Variants in PKD1 observed in about 807,000 individuals in gnomAD.
The protein encoded by PKD1 is polycystin-1.
PKD1 carries 81 observed loss-of-function variants against 361.7 expected under a neutral mutation model. The observed-to-expected ratio is 0.22, with a 90% confidence interval of 0.19 to 0.27. The LOEUF (loss-of-function observed/expected upper bound fraction) is 0.27. Among genes scored for constraint, PKD1 ranks in the 10% least tolerant of loss-of-function variants. The probability of loss-of-function intolerance (pLI) is 1.00; values close to 1 mark genes in which losing one functional copy is unlikely to be tolerated. For synonymous variants in PKD1, 3,615 were observed against 2,818.3 expected (o/e 1.28, Z -8.95); for missense variants, 6,399 against 6,118.3 (o/e 1.05, Z -1.53).
rs1385472347 is a variant in PKD1 at position 2,088,873 on chromosome 16, G to A, written c.*854C>T. The A allele has an allele frequency of 5.0e-5, 24 of 476,644 alleles. 1 individual carries two copies. In the African/African-American group the frequency reaches 6.8e-4, roughly 14 times the overall value. The allele number at this position is 476,644 out of a possible 1,614,324, so 29.5% of individuals were successfully genotyped here. On this transcript the variant is annotated 3_prime_UTR_variant, in exon 46 of 46. Coordinates refer to ENST00000262304, the MANE Select transcript of PKD1 (RefSeq NM_001009944.3). ...TGGGCCATACAGCACACTCGCGCGT[G>A]CGCGCGCGCACACACACACACACAC...
chr16:2,093,610 G>C lies in PKD1; in HGVS notation c.10950C>G (p.His3650Gln). 6.2e-7 allele frequency: 1 copy of C among 1,609,326 alleles called. No homozygotes were observed. Among genetic ancestry groups the C allele is most frequent in the Non-Finnish European group, 8.5e-7 (1 of 1,178,318 alleles). Residue 3650 changes from histidine to glutamine, a missense_variant, in exon 37 of 46, where the codon CAC becomes CAG. His to Gln is a conservative substitution (Grantham distance 24). Coordinates refer to ENST00000262304, the MANE Select transcript of PKD1 (RefSeq NM_001009944.3). ...CCTTGGCCAGGAAGAGTGCAAAGCC[G>C]TGGGGTGGCCGTACGCGGGGCACAC... ...SARVPRVRPP[H>Q]GFALFLAKEE... is the part of the protein sequence containing the mutation.
rs1567151473 is a variant in PKD1 at position 2,091,342 on chromosome 16, A to AGGGGCGG, written c.11712+80_11712+81insCCGCCCC. 4 of 500,012 alleles carry AGGGGCGG rather than the reference A, an allele frequency of 8.0e-6. No individual in the cohort carries two copies. The African/African-American group carries it at 1.6e-4, about 21-fold the overall frequency. 31.0% of individuals were successfully genotyped at this position (500,012 alleles called of 1,614,324 possible). A position where few individuals can be genotyped will look rare whatever the true frequency, so the allele number is the denominator to read the frequency against. ...AGGGGGCGGGGCGCTGCGAGGGGTG[A>AGGGGCGG]GACGCTGCCGGGGCGGGGCCCCGCG... On this transcript the variant is annotated intron_variant, in intron 42 of 45. Transcript: ENST00000262304.
rs768528652 is a variant in PKD1 at position 2,090,935 on chromosome 16, G to A, written c.11952C>T (p.Ser3984=). The change falls in exon 43 of 46, where the codon AGC becomes AGT. Residue 3984 remains serine (S), a synonymous_variant. Transcript: ENST00000262304. ...AGGCCGCCAGGCCACGGGCTGCGGA[G>A]CTCAGCTGCGCCACCTGGTCGAAGC... ...FTSFDQVAQL[S]SAARGLAASL... 10 of 1,573,562 alleles carry A rather than the reference G, an allele frequency of 6.4e-6. No individual in the cohort carries two copies. Among genetic ancestry groups the A allele is most frequent in the African/African-American group, 2.7e-5 (2 of 74,428 alleles).
chr16:2,120,852 A>T (rs2092709447), intron 1 of PKD1, among the ~76,000 whole-genome samples: 1 of 152,080 alleles, frequency 6.6e-6, no homozygotes, highest in South Asian at 2.1e-4. Context: ...CCCTGTCTCT[A>T]CTAAAAATGC....
chr16:2,114,317 G>T lies in PKD1; in HGVS notation c.2706C>A (p.Leu902=), dbSNP rs1258871237. The change falls in exon 11 of 46, where the codon CTC becomes CTA. Residue 902 remains leucine, a synonymous_variant. Coordinates refer to ENST00000262304, the MANE Select transcript of PKD1 (RefSeq NM_001009944.3). ...CGTCCACCACGTGCTCCCCCTCACT[G>T]AGCCACGGCAGTGCTACCACTGAGA... ...TLFSVVALPW[L]SEGEHVVDVV... is the part of the protein sequence containing the mutation. The T allele has an allele frequency of 2.5e-6, 4 of 1,610,540 alleles. No homozygotes were observed. Among genetic ancestry groups the T allele is most frequent in the Admixed American group, 1.7e-5 (1 of 60,000 alleles).
rs765464388 is a variant in PKD1, at chr16:2,115,510, C to T, written c.1965G>A (p.Pro655=). The part of the protein sequence containing the change: ...RWCPGANICL[P]LDASCHPQAC... ...CCTGGGGGTGGCAGGAGGCGTCCAG[C>T]GGCAAGCAGATGTTGGCTCCAGGGC... Residue 655 remains proline, a synonymous_variant, in exon 10 of 46, where the codon CCG becomes CCA. Transcript: ENST00000262304. 9 of 1,599,018 alleles carry T rather than the reference C, an allele frequency of 5.6e-6. No individual in the cohort carries two copies. The highest frequency in any genetic ancestry group is 3.4e-5 in the South Asian group (3 of 89,398).
In PKD1 at chr16:2,113,184, T is replaced by A. The variant is rs2092565404; in HGVS notation, c.2962A>T (p.Ser988Cys). 1 of 1,129,474 alleles carries A rather than the reference T, an allele frequency of 8.9e-7. No homozygotes were observed. Among genetic ancestry groups the A allele is most frequent in the Non-Finnish European group, 1.3e-6 (1 of 760,118 alleles). 70.0% of individuals were successfully genotyped at this position (1,129,474 alleles called of 1,614,324 possible). A position where few individuals can be genotyped will look rare whatever the true frequency, so the allele number is the denominator to read the frequency against. ...ACTGAGAGCTTGAAGACCGCCGCGC[T>A]CTGATAAATGACATTGAAGACCACG... Reference protein sequence around the residue: ...QNVVFNVIYQSAAVFKLSLTA... With the variant: ...QNVVFNVIYQCAAVFKLSLTA... The change falls in exon 12 of 46, where the codon AGC becomes TGC. Residue 988 changes from serine to cysteine, a missense_variant. Coordinates refer to ENST00000262304, the MANE Select transcript of PKD1 (RefSeq NM_001009944.3).
In PKD1 at chr16:2,097,228, G is replaced by T. The variant is rs2091884870; in HGVS notation, c.10419C>A (p.Ile3473=). The change falls in exon 34 of 46, where the codon ATC becomes ATA. Residue 3473 remains isoleucine, a synonymous_variant. Coordinates refer to ENST00000262304, the MANE Select transcript of PKD1 (RefSeq NM_001009944.3). ...KSFSASDEDL[I]QQVLAEGVSS... is the part of the protein sequence containing the mutation. ...TGACCCCCTCGGCAAGGACCTGCTG[G>T]ATCAGGTCTTCATCTAGAGGTACAG... 6.3e-7 allele frequency: 1 copy of T among 1,582,514 alleles called. No individual in the cohort carries two copies. Among genetic ancestry groups the T allele is most frequent in the East Asian group, 2.3e-5 (1 of 43,310 alleles).
At chr16:2,131,463 G>T (rs929621569) in intron 1 of PKD1, among the ~76,000 whole-genome samples, 1 of 151,376 alleles carries the variant, frequency 6.6e-6, no homozygotes, top group African/African-American at 2.4e-5. Context: ...AGCTGAGATG[G>T]CACTGCTGCA....
chr16:2,104,382 G>T, intron 22 of PKD1, 116 bp downstream of exon 22: 1 of 593,062 alleles, frequency 1.7e-6, no homozygotes, highest in Non-Finnish European at 3.0e-6. Flanking sequence ...GAATTGGGGG[G>T]AGGGGAGGGG....
chr16:2,091,342 A>T (rs11862600), intron 42 of PKD1, 81 bp downstream of exon 42: 5 of 501,228 alleles, frequency 1.0e-5, no homozygotes, highest in Non-Finnish European at 9.7e-6. Context: ...GCGAGGGGTG[A>T]GACGCTGCCG....
chr16:2,102,504 C>T lies in PKD1; in HGVS notation c.9078G>A (p.Arg3026=), dbSNP rs147798893. Residue 3026 remains arginine, a synonymous_variant, in exon 25 of 46, where the codon CGG becomes CGA. Transcript: ENST00000262304. The part of the protein sequence containing the change: ...QYFSEEDMVW[R]TEGLLPLEET... ...CCTCCAGGGGCAGCAGCCCCTCTGT[C>T]CGCCACACCATGTCCTCCTCGCTGA... 18 of 1,591,624 alleles carry T rather than the reference C, an allele frequency of 1.1e-5. No individual in the cohort carries two copies. In the African/African-American group the frequency reaches 2.2e-4, roughly 19 times the overall value.
intron 1 of PKD1, among the ~76,000 whole-genome samples, chr16:2,124,484 G>C (rs937255116): frequency 6.6e-6 from 1 of 152,218 alleles, no homozygotes; most frequent in Non-Finnish European, 1.5e-5. Flanking sequence ...CTCCTGGGCC[G>C]GGGGAGCCGG....
At position 2,090,563 on chromosome 16, in the gene PKD1, A is replaced by C. The variant is rs1253595501; in HGVS notation, c.12166T>G (p.Trp4056Gly). 1 of 1,609,232 alleles carries C rather than the reference A, an allele frequency of 6.2e-7. No individual in the cohort carries two copies. Among genetic ancestry groups the C allele is most frequent in the African/African-American group, 1.3e-5 (1 of 74,916 alleles). Residue 4056 changes from tryptophan (W) to glycine (G), a missense_variant, in exon 45 of 46, where the codon TGG becomes GGG. Trp to Gly is a radical substitution (Grantham distance 184, BLOSUM62 -2). Coordinates refer to ENST00000262304, the MANE Select transcript of PKD1 (RefSeq NM_001009944.3). Reference protein sequence around the residue: ...LLVSSCVDSLWSVAQALLVLC... With the variant: ...LLVSSCVDSLGSVAQALLVLC... ...ACCAACAGGGCCTGGGCCACGCTCC[A>C]GAGGGAGTCCACACAGGAAGACACG...
In PKD1 at chr16:2,108,311, G is replaced by A. The variant is rs759543173; in HGVS notation, c.6856C>T (p.Leu2286=). Reference sequence around the variant, plus strand: ...AGCGGCGTCTGGTCGCCGTCCTCCAGGTTGGGGTCGTAGGACTCGCTCCCA... The same window carrying A: ...AGCGGCGTCTGGTCGCCGTCCTCCAAGTTGGGGTCGTAGGACTCGCTCCCA... ...LDGSESYDPN[L]EDGDQTPLSF... is the part of the protein sequence containing the mutation. The change falls in exon 15 of 46, where the codon CTG becomes TTG. Residue 2286 remains leucine, a synonymous_variant. Coordinates refer to ENST00000262304, the MANE Select transcript of PKD1 (RefSeq NM_001009944.3). The A allele has an allele frequency of 3.7e-6, 6 of 1,603,166 alleles. No individual in the cohort carries two copies. In the African/African-American group the frequency reaches 6.7e-5, roughly 18 times the overall value.
rs556791543 is a variant in PKD1, at chr16:2,119,030, G to A, written c.359+84C>T. The A allele has an allele frequency of 3.0e-5, 28 of 941,614 alleles. No individual in the cohort carries two copies. In the East Asian group the frequency reaches 3.9e-4, roughly 13 times the overall value. 58.3% of individuals were successfully genotyped at this position (941,614 alleles called of 1,614,324 possible). ...CAGGATCTGGTCTCAAGCCTGGAAG[G>A]GGACACGGACCAACTGGGAGGGCAG... On this transcript the variant is annotated intron_variant, in intron 3 of 45. Coordinates refer to ENST00000262304, the MANE Select transcript of PKD1 (RefSeq NM_001009944.3).
intron 1 of PKD1, among the ~76,000 whole-genome samples, chr16:2,121,781 C>T (rs927718634): frequency 1.3e-5 from 2 of 152,222 alleles, no homozygotes; most frequent in Non-Finnish European, 2.9e-5. Context: ...CACACCACCC[C>T]CCTGCTCCCC....
chr16:2,097,671 C>T lies in PKD1; in HGVS notation c.10220+57G>A, dbSNP rs561360656. 9.3e-5 allele frequency: 150 copies of T among 1,610,798 alleles called. No individual in the cohort carries two copies. The African/African-American group carries it at 1.6e-3, about 17-fold the overall frequency. The stretch of plus-strand genomic sequence containing the variant: ...CAAGGACACGCAGCCCGCACACCCC[C>T]GGCACCCCAGACACAGTGACCTGCA... On this transcript the variant is annotated intron_variant, in intron 32 of 45. Coordinates refer to ENST00000262304, the MANE Select transcript of PKD1 (RefSeq NM_001009944.3).
In PKD1 at chr16:2,111,462, C is replaced by T. The variant is rs773787157; in HGVS notation, c.3705G>A (p.Val1235=). Reference sequence around the variant, plus strand: ...TCCACGTGATGTTGTCGCCCGTCTGCACCGCGGCGCTGACCACCACGGGGG... The same window carrying T: ...TCCACGTGATGTTGTCGCCCGTCTGTACCGCGGCGCTGACCACCACGGGGG... ...QGAPVVVSAA[V]QTGDNITWTF... is the part of the protein sequence containing the mutation. Residue 1235 remains valine (V), a synonymous_variant, in exon 15 of 46, where the codon GTG becomes GTA. Coordinates refer to ENST00000262304, the MANE Select transcript of PKD1 (RefSeq NM_001009944.3). 1 of 1,611,720 alleles carries T rather than the reference C, an allele frequency of 6.2e-7. No homozygotes were observed. The highest frequency in any genetic ancestry group is 1.7e-5 in the Admixed American group (1 of 59,970).
Sources: gnomAD v4.1 joint callset for allele counts (sites outside exome capture counted in the v4.1 genomes callset) on GRCh38, gnomAD v4.1.1 for gene constraint, MANE v1.5 for transcripts, NCBI Gene and HGNC (gene_info 2026-07-23, HGNC 2026-07-21) for gene names.